DDR2: variants seen among roughly 807,000 people sequenced by gnomAD.
The protein encoded by DDR2 is discoidin domain receptor tyrosine kinase 2.
A neutral mutation model predicts 94.9 loss-of-function variants in DDR2; 27 were observed. The observed-to-expected ratio is 0.28, with a 90% CI of 0.21 to 0.39. The LOEUF (loss-of-function observed/expected upper bound fraction) is 0.39. Ranked by LOEUF, DDR2 falls within the 10% of genes least tolerant of loss-of-function variation. DDR2 has a pLI of 1.00. For synonymous variants in DDR2, 382 were observed against 377.2 expected (o/e 1.01, Z -0.15); for missense variants, 783 against 1,076.0 (o/e 0.73, Z 3.81).
chr1:162,748,072 C>T (rs1662975952), intron 3 of DDR2, among the ~76,000 whole-genome samples: 1 of 152,148 alleles, frequency 6.6e-6, no homozygotes, highest in African/African-American at 2.4e-5. Flanking sequence ...ACCATCGATG[C>T]TAGGAAGAAA....
intron 2 of DDR2, among the ~76,000 whole-genome samples, chr1:162,677,002 G>A (rs1480397366): frequency 2.6e-5 from 4 of 152,190 alleles, no homozygotes; most frequent in Non-Finnish European, 5.9e-5. Flanking sequence ...AAAGGAAACA[G>A]TGTTTCCTCT....
chr1:162,700,151 C>G (rs545480340), intron 2 of DDR2, among the ~76,000 whole-genome samples: 1 of 152,360 alleles, frequency 6.6e-6, no homozygotes, highest in South Asian at 2.1e-4. Flanking sequence ...ATGATCCTAT[C>G]TCTCACCATT....
upstream of DDR2, chr1:162,632,374 C>T (rs902401718): frequency 6.6e-6 from 1 of 152,094 alleles, no homozygotes; most frequent in Non-Finnish European, 1.5e-5. Context: ...CCTCCCCAAC[C>T]CCCTTCCTAA....
intron 4 of DDR2, 148 bp from the exon 5 acceptor site, chr1:162,754,476 G>T: frequency 1.3e-6 from 1 of 743,264 alleles, no homozygotes; most frequent in South Asian, 1.5e-5. Flanking sequence ...TACTGTGGTG[G>T]CAGTGAAAAC....
In DDR2 at chr1:162,681,199, C is replaced by T. The variant is rs555592466; in HGVS notation, c.-28+25825C>T. On this transcript the variant is annotated intron_variant, in intron 2 of 17. Coordinates refer to ENST00000367921, the MANE Select transcript of DDR2 (RefSeq NM_006182.4). ...TCAGCTTGTTAACGTGCACTGTACT[C>T]AGCCTTGACACACGGGAGAAAGGTT... Among the ~76,000 whole-genome samples, 11 of 152,272 alleles carry T rather than the reference C, an allele frequency of 7.2e-5. No homozygotes were observed. In the East Asian group the frequency reaches 1.5e-3, roughly 21 times the overall value.
intron 1 of DDR2, among the ~76,000 whole-genome samples, chr1:162,648,383 G>C (rs904631583): frequency 6.6e-6 from 1 of 152,142 alleles, no homozygotes; most frequent in African/African-American, 2.4e-5. Flanking sequence ...AGGAGCCTAG[G>C]GTGGTGGGAT....
At chr1:162,712,474 T>C (rs1660962065) in intron 2 of DDR2, among the ~76,000 whole-genome samples, 3 of 152,106 alleles carry the variant, frequency 2.0e-5, no homozygotes, top group South Asian at 2.1e-4. Context: ...TAATTTCTAG[T>C]TGTGGCTGCC....
Position 162,665,369 on chromosome 1 carries a change from C to T in DDR2, c.-28+9995C>T, listed in dbSNP as rs1658498424. On this transcript the variant is annotated intron_variant, in intron 2 of 17. Coordinates refer to ENST00000367921, the MANE Select transcript of DDR2 (RefSeq NM_006182.4). ...GTTGCCAACATTCCTTGCAGTGCTA[C>T]AGCTGAGTGAACCTTGTTCCCTCAT... is the stretch of plus-strand genomic sequence containing the variant. Among the ~76,000 whole-genome samples, 3 of 152,168 alleles carry T rather than the reference C, an allele frequency of 2.0e-5. No homozygotes were observed. In the South Asian group the frequency reaches 6.2e-4, roughly 32 times the overall value.
intron 2 of DDR2, among the ~76,000 whole-genome samples, chr1:162,691,186 G>A (rs1445727129): frequency 6.6e-6 from 1 of 152,172 alleles, no homozygotes; most frequent in African/African-American, 2.4e-5. Context: ...TCTAGGAAGT[G>A]CCTGGGCTGC....
intron 2 of DDR2, among the ~76,000 whole-genome samples, chr1:162,685,772 A>T (rs1659658128): frequency 6.6e-6 from 1 of 152,084 alleles, no homozygotes; most frequent in African/African-American, 2.4e-5. Context: ...CCTTTGACCT[A>T]TTTAACCCTT....
chr1:162,728,191 TATAG>T (rs1372491384), intron 3 of DDR2, among the ~76,000 whole-genome samples: 2 of 144,784 alleles, frequency 1.4e-5, no homozygotes, highest in Non-Finnish European at 3.0e-5. Context: ...TTTATATATA[TATAG>T]ATAGATATAT....
chr1:162,774,148 T>C (rs537835830), intron 14 of DDR2, among the ~76,000 whole-genome samples: 6 of 152,296 alleles, frequency 3.9e-5, no homozygotes, highest in Non-Finnish European at 8.8e-5. Context: ...TCTCTAGCAG[T>C]TTTCCAAACT....
chr1:162,755,865 A>C lies in DDR2; in HGVS notation c.671+96A>C, dbSNP rs1115570. On this transcript the variant is annotated intron_variant, in intron 7 of 17. Transcript: ENST00000367921. ...GGGATCAATAATCAATCAACCAATC[A>C]GTATTTATTTAGTTCTTGTACAAGG... The C allele has an allele frequency of 0.98, 1,003,959 of 1,023,012 alleles. 493,721 individuals are homozygous for C. Among genetic ancestry groups the C allele is most frequent in the Non-Finnish European group, 1 (653,143 of 655,502 alleles). The allele number at this position is 1,023,012 out of a possible 1,614,324, so 63.4% of individuals were successfully genotyped here. A position where few individuals can be genotyped will look rare whatever the true frequency, so the allele number is the denominator to read the frequency against.
chr1:162,699,305 G>T (rs73024505), intron 2 of DDR2, among the ~76,000 whole-genome samples: 8,150 of 152,230 alleles, frequency 0.054, 361 homozygotes, highest in East Asian at 0.19. Flanking sequence ...TAATAATATC[G>T]TCTAAAGGAT....
chr1:162,739,996 T>G (rs542341495), intron 3 of DDR2, among the ~76,000 whole-genome samples: 5 of 152,208 alleles, frequency 3.3e-5, no homozygotes, highest in Non-Finnish European at 4.4e-5. Flanking sequence ...AGGATGAGCT[T>G]TGGAGGGAGT....
chr1:162,689,274 G>A (rs1202231943), intron 2 of DDR2, among the ~76,000 whole-genome samples: 3 of 152,204 alleles, frequency 2.0e-5, no homozygotes, highest in African/African-American at 7.2e-5. Context: ...GTTAATACCT[G>A]TGTTTCCAAG....
At chr1:162,753,859 AC>A (rs2102129994) in intron 4 of DDR2, among the ~76,000 whole-genome samples, 1 of 152,298 alleles carries the variant, frequency 6.6e-6, no homozygotes, top group African/African-American at 2.4e-5. Flanking sequence ...AAATGGAATT[AC>A]CCATAAGAAA....
intron 2 of DDR2, among the ~76,000 whole-genome samples, chr1:162,703,162 T>C (rs774631199): frequency 9.2e-5 from 14 of 152,194 alleles, no homozygotes; most frequent in Non-Finnish European, 1.9e-4. Context: ...ATATAAGGCA[T>C]TGTGCTATGT....
In DDR2 at chr1:162,776,196, T is replaced by C; in HGVS notation, c.2109T>C (p.Ser703=). Residue 703 remains serine, a synonymous_variant, in exon 16 of 18, where the codon TCT becomes TCC. Transcript: ENST00000367921. Reference sequence around the variant, plus strand: ...CCTCTGGCATGAAGTACCTTTCCTCTCTTAATTTTGTTCACCGAGATCTGG... The same window carrying C: ...CCTCTGGCATGAAGTACCTTTCCTCCCTTAATTTTGTTCACCGAGATCTGG... ...QIASGMKYLS[S]LNFVHRDLAT... 6.2e-7 allele frequency: 1 copy of C among 1,613,942 alleles called. No individual in the cohort carries two copies.
Sources: allele counts gnomAD v4.1 joint callset (sites outside exome capture counted in the v4.1 genomes callset), GRCh38; gene constraint gnomAD v4.1.1; transcripts MANE v1.5; gene names NCBI Gene and HGNC (gene_info 2026-07-23, HGNC 2026-07-21).